Variants in WASF2 observed in about 807,000 individuals in gnomAD.
The protein encoded by WASF2 is actin-binding protein WASF2.
WASF2 carries 14 observed loss-of-function variants against 45.0 expected under a neutral mutation model. The observed-to-expected ratio is 0.31, with a 90% CI of 0.21 to 0.49. The LOEUF is 0.49. Among genes scored for constraint, WASF2 ranks in the 20% least tolerant of loss-of-function variants. WASF2 has a pLI of 0.99. For synonymous variants in WASF2, 200 were observed against 236.3 expected (o/e 0.85, Z 1.41); for missense variants, 439 against 636.1 (o/e 0.69, Z 3.33).
At chr1:27,438,223 T>C (rs972108293) in intron 1 of WASF2, among the ~76,000 whole-genome samples, 2 of 152,230 alleles carry the variant, frequency 1.3e-5, no homozygotes, top group Non-Finnish European at 2.9e-5. Context: ...TATCATACTA[T>C]GCGATGGAGA....
chr1:27,471,424 G>C (rs536143263), intron 1 of WASF2, among the ~76,000 whole-genome samples: 1 of 151,704 alleles, frequency 6.6e-6, no homozygotes, highest in African/African-American at 2.4e-5. Flanking sequence ...AAGCTGTGAC[G>C]GAAGAATCGC....
chr1:27,490,129 C>G lies in WASF2; in HGVS notation c.-187G>C, dbSNP rs534033062. ...CGCTACGCCCCCAGCCGCGCTCGCC[C>G]TGCCTGTGTCCGCCATTACGCGATT... is the stretch of plus-strand genomic sequence containing the variant. On this transcript the variant is annotated 5_prime_UTR_variant, in exon 1 of 9. Coordinates refer to ENST00000618852, the MANE Select transcript of WASF2 (RefSeq NM_006990.5). 1 of 152,606 alleles carries G rather than the reference C, an allele frequency of 6.6e-6. No homozygotes were observed. The highest frequency in any genetic ancestry group is 2.4e-5 in the African/African-American group (1 of 41,602). 9.5% of individuals were successfully genotyped at this position (152,606 alleles called of 1,614,324 possible).
intron 1 of WASF2, among the ~76,000 whole-genome samples, chr1:27,487,845 AAAG>A (rs2017968529): frequency 6.8e-6 from 1 of 146,644 alleles, no homozygotes; most frequent in Admixed American, 7.2e-5. Context: ...ATGCTGAGAA[AAAG>A]AATAATCCAT....
chr1:27,469,933 G>A (rs1252734892), intron 1 of WASF2, among the ~76,000 whole-genome samples: 5 of 151,952 alleles, frequency 3.3e-5, no homozygotes, highest in Middle Eastern at 3.4e-3. Flanking sequence ...GACAGAATGA[G>A]ACTCTGTGTC....
At chr1:27,453,763 T>C (rs892023701) in intron 1 of WASF2, among the ~76,000 whole-genome samples, 15 of 151,428 alleles carry the variant, frequency 9.9e-5, no homozygotes, top group Non-Finnish European at 2.1e-4. Flanking sequence ...TGGTGGCACA[T>C]GCCTGTAATC....
At chr1:27,422,476 A>G (rs2504768) in intron 2 of WASF2, among the ~76,000 whole-genome samples, 129,307 of 151,796 alleles carry the variant, frequency 0.85, 55,583 homozygotes, top group Admixed American at 0.92. Flanking sequence ...AAAATTAGCC[A>G]GGCGTGTTGG....
chr1:27,455,200 G>A (rs778704839), intron 1 of WASF2, among the ~76,000 whole-genome samples: 5 of 152,004 alleles, frequency 3.3e-5, no homozygotes, highest in Non-Finnish European at 5.9e-5. Context: ...GCATTCCTCC[G>A]ATTACTGATG....
At chr1:27,477,625 C>T (rs1019221592) in intron 1 of WASF2, among the ~76,000 whole-genome samples, 17,110 of 135,306 alleles carry the variant, frequency 0.13, 2,049 homozygotes, top group East Asian at 0.29. Flanking sequence ...ATCGGCCGGG[C>T]GCGGTGGCTC....
chr1:27,439,874 C>T (rs557398206), intron 1 of WASF2, among the ~76,000 whole-genome samples: 2 of 152,032 alleles, frequency 1.3e-5, no homozygotes, highest in Non-Finnish European at 2.9e-5. Flanking sequence ...GTGGTACACA[C>T]CTGTAGTCCC....
chr1:27,487,419 A>AAT (rs1363880430), intron 1 of WASF2, among the ~76,000 whole-genome samples: 1 of 129,834 alleles, frequency 7.7e-6, no homozygotes, highest in Non-Finnish European at 1.6e-5. Context: ...ATTTTATATA[A>AAT]ATATATATAT....
intron 1 of WASF2, among the ~76,000 whole-genome samples, chr1:27,432,842 C>T (rs1377446264): frequency 6.6e-6 from 1 of 152,054 alleles, no homozygotes; most frequent in Non-Finnish European, 1.5e-5. Context: ...TAGCTCACTG[C>T]AACCTCAAAC....
intron 1 of WASF2, among the ~76,000 whole-genome samples, chr1:27,480,054 G>T (rs2017824628): frequency 6.6e-6 from 1 of 152,144 alleles, no homozygotes; most frequent in Non-Finnish European, 1.5e-5. Context: ...GATGCCGTTG[G>T]TATTCAGGAA....
At chr1:27,417,324 C>T (rs528879501) in intron 4 of WASF2, among the ~76,000 whole-genome samples, 21 of 152,294 alleles carry the variant, frequency 1.4e-4, no homozygotes, top group East Asian at 1.2e-3. Context: ...CTCTGTCCTG[C>T]TATGCTGGTC....
rs2016742568 is a variant in WASF2, at chr1:27,410,126, G to T, written c.905C>A (p.Pro302Gln). ...TGGTGGAGAGCCTAGAGGAGGAGCT[G>T]GTGGTGGATGGCTTGGGCTGACCAC... ...SSVVSPSHPP[P>Q]APPLGSPPGP... Residue 302 changes from proline (P) to glutamine (Q), a missense_variant, in exon 8 of 9, where the codon CCA becomes CAA. Physicochemically the swap from Pro to Gln is moderately conservative, Grantham distance 76 (BLOSUM62 -1). Coordinates refer to ENST00000618852, the MANE Select transcript of WASF2 (RefSeq NM_006990.5). The surrounding 1 kb of genome is among the most constrained non-coding windows in gnomAD (Gnocchi z 4.2). 1 of 1,613,562 alleles carries T rather than the reference G, an allele frequency of 6.2e-7. No individual in the cohort carries two copies. Among genetic ancestry groups the T allele is most frequent in the African/African-American group, 1.3e-5 (1 of 74,878 alleles).
Position 27,408,303 on chromosome 1 carries a change from C to T in WASF2, c.1383G>A (p.Lys461=). The change falls in exon 9 of 9, where the codon AAG becomes AAA. Residue 461 remains lysine, a synonymous_variant. Coordinates refer to ENST00000618852, the MANE Select transcript of WASF2 (RefSeq NM_006990.5). ...RRVEEQREQE[K]RDVVGNDVAT... Reference sequence around the variant, plus strand: ...CCACGTCATTGCCCACAACATCCCGCTTCTCTTGTTCCCGCTGCTCCTCAA... The same window carrying T: ...CCACGTCATTGCCCACAACATCCCGTTTCTCTTGTTCCCGCTGCTCCTCAA... 1 of 1,614,244 alleles carries T rather than the reference C, an allele frequency of 6.2e-7. No individual in the cohort carries two copies. The highest frequency in any genetic ancestry group is 8.5e-7 in the Non-Finnish European group (1 of 1,180,048).
intron 1 of WASF2, among the ~76,000 whole-genome samples, chr1:27,487,605 A>T (rs1283224899): frequency 4.0e-5 from 4 of 98,832 alleles, no homozygotes; most frequent in South Asian, 5.1e-4. Context: ...ATAATATATA[A>T]TATATATTAT....
intron 1 of WASF2, among the ~76,000 whole-genome samples, chr1:27,449,923 C>T (rs552562264): frequency 1.3e-5 from 2 of 152,082 alleles, no homozygotes; most frequent in Admixed American, 6.6e-5. Flanking sequence ...GTGGGCGGAT[C>T]GTCTGAGGTC....
chr1:27,404,359 G>A lies in WASF2; in HGVS notation c.*3830C>T, dbSNP rs1334716254. On this transcript the variant is annotated 3_prime_UTR_variant, in exon 9 of 9. Coordinates refer to ENST00000618852, the MANE Select transcript of WASF2 (RefSeq NM_006990.5). ...GTATACACACGATGAGCCTGGCAGG[G>A]AAGCAAATGAGACCAGGCTTGGAGC... 2 of 152,234 alleles carry A rather than the reference G, an allele frequency of 1.3e-5. No individual in the cohort carries two copies. The highest frequency in any genetic ancestry group is 6.5e-5 in the Admixed American group (1 of 15,284). 9.4% of individuals were successfully genotyped at this position (152,234 alleles called of 1,614,324 possible). A position where few individuals can be genotyped will look rare whatever the true frequency, so the allele number is the denominator to read the frequency against.
At chr1:27,442,283 C>T (rs1015193360) in intron 1 of WASF2, among the ~76,000 whole-genome samples, 2 of 152,162 alleles carry the variant, frequency 1.3e-5, no homozygotes, top group Admixed American at 6.5e-5. Flanking sequence ...CAGTGGCTCA[C>T]ACCTGTAATC....
Sources: allele counts gnomAD v4.1 joint callset (sites outside exome capture counted in the v4.1 genomes callset), GRCh38; gene constraint gnomAD v4.1.1; non-coding constraint Gnocchi (gnomAD v3.1); transcripts MANE v1.5; gene names NCBI Gene and HGNC (gene_info 2026-07-23, HGNC 2026-07-21).